LYZL4: variants seen among roughly 807,000 people sequenced by gnomAD.
LYZL4 encodes the protein lysozyme like 4, also known as lysozyme-like protein 4.
In LYZL4, 13 loss-of-function variants were observed where a neutral mutation model predicts 17.6. The ratio of observed to expected loss-of-function variants is 0.74; its 90% CI spans 0.48 to 1.18. The LOEUF (loss-of-function observed/expected upper bound fraction) is 1.18. Among genes scored for constraint, LYZL4 ranks in the 50% most tolerant of loss-of-function variants. LYZL4 has a pLI of 0.00. For synonymous variants in LYZL4, 64 were observed against 67.7 expected (o/e 0.95, Z 0.27); for missense variants, 174 against 188.2 (o/e 0.92, Z 0.44).
the LYZL4 span, among the ~76,000 whole-genome samples, chr3:42,391,679 A>G: frequency 1.3e-5 from 2 of 152,186 alleles, no homozygotes; most frequent in Non-Finnish European, 2.9e-5. Context: ...AGGAATTTTT[A>G]AAGAAATGGT....
At chr3:42,390,048 C>A in the LYZL4 span, among the ~76,000 whole-genome samples, 1 of 152,126 alleles carries the variant, frequency 6.6e-6, no homozygotes, top group African/African-American at 2.4e-5. Context: ...ACTGGTTGTT[C>A]ATTTTGCCTG....
intron 1 of LYZL4, among the ~76,000 whole-genome samples, chr3:42,409,460 T>C (rs1345720467): frequency 6.6e-6 from 1 of 152,172 alleles, no homozygotes; most frequent in African/African-American, 2.4e-5. Context: ...GCAAACAACA[T>C]TTTCTGGTAA....
the LYZL4 span, among the ~76,000 whole-genome samples, chr3:42,387,009 C>A: frequency 6.6e-6 from 1 of 152,000 alleles, no homozygotes; most frequent in Non-Finnish European, 1.5e-5. Flanking sequence ...TTTATATTTG[C>A]GTTTTATTTC....
chr3:42,401,385 A>C (rs1405803016), intron 4 of LYZL4, among the ~76,000 whole-genome samples: 1 of 147,730 alleles, frequency 6.8e-6, no homozygotes, highest in Admixed American at 6.8e-5. Context: ...TAATTTTTGC[A>C]TTTTTTTTTT....
chr3:42,400,796 G>A (rs1025097145), intron 4 of LYZL4, among the ~76,000 whole-genome samples: 1 of 152,142 alleles, frequency 6.6e-6, no homozygotes, highest in South Asian at 2.1e-4. Flanking sequence ...AGAAAAGGTA[G>A]GGGAAGAAGG....
At chr3:42,377,659 GTGTGTGTGTC>G in the LYZL4 span, among the ~76,000 whole-genome samples, 2 of 150,652 alleles carry the variant, frequency 1.3e-5, no homozygotes, top group African/African-American at 4.9e-5. Context: ...GTGTGTGTGT[GTGTGTGTGTC>G]ACTAATGCAG....
At chr3:42,366,064 G>T in the LYZL4 span, among the ~76,000 whole-genome samples, 2 of 151,930 alleles carry the variant, frequency 1.3e-5, no homozygotes, top group African/African-American at 4.8e-5. Context: ...GTTAGGGAGT[G>T]GGGGATTGTG....
At chr3:42,408,933 GA>G (rs1335881153) in intron 1 of LYZL4, among the ~76,000 whole-genome samples, 2 of 152,182 alleles carry the variant, frequency 1.3e-5, no homozygotes, top group African/African-American at 2.4e-5. Flanking sequence ...CCCCTGTTGA[GA>G]AATGTCTAAC....
chr3:42,397,027 T>G (rs576473731), downstream of LYZL4: 1 of 399,988 alleles, frequency 2.5e-6, no homozygotes, highest in African/African-American at 2.0e-5. Context: ...ACAATAATAG[T>G]AAATAATGGT....
Position 42,407,122 on chromosome 3 carries a change from G to C in LYZL4, c.130C>G (p.Leu44Val), listed in dbSNP as rs1355876215. The change falls in exon 2 of 5, where the codon CTT becomes GTT. Residue 44 changes from leucine (L) to valine (V), a missense_variant. Coordinates refer to ENST00000287748, the MANE Select transcript of LYZL4 (RefSeq NM_144634.4). ...GGLDYFEGYSLENWVCLAYFE... is the reference protein window; with the variant it reads ...GGLDYFEGYSVENWVCLAYFE... Reference sequence around the variant, plus strand: ...AGTGGGGCCTACTCACAGTTCTCAAGGCTATAGCCCTCAAAATAATCCAGG... The same window carrying C: ...AGTGGGGCCTACTCACAGTTCTCAACGCTATAGCCCTCAAAATAATCCAGG... 2 of 1,614,060 alleles carry C rather than the reference G, an allele frequency of 1.2e-6. No individual in the cohort carries two copies. Among genetic ancestry groups the C allele is most frequent in the African/African-American group, 2.7e-5 (2 of 74,932 alleles).
chr3:42,403,644 A>G (rs73071752), intron 4 of LYZL4, among the ~76,000 whole-genome samples: 1,524 of 152,244 alleles, frequency 0.01, 12 homozygotes, highest in Non-Finnish European at 0.015. Flanking sequence ...ATTTTACTAA[A>G]CCTTTTGTAG....
chr3:42,401,992 A>C (rs1171124878), intron 4 of LYZL4, among the ~76,000 whole-genome samples: 6 of 152,156 alleles, frequency 3.9e-5, no homozygotes, highest in Non-Finnish European at 1.5e-5. Context: ...TAAAACAATA[A>C]AGCTTTTAGG....
the LYZL4 span, among the ~76,000 whole-genome samples, chr3:42,369,824 C>T: frequency 3.9e-5 from 6 of 152,184 alleles, no homozygotes; most frequent in Non-Finnish European, 8.8e-5. Flanking sequence ...AGGCTTGAGG[C>T]TTCATGCAAG....
At chr3:42,408,302 C>G (rs533295015) in intron 1 of LYZL4, among the ~76,000 whole-genome samples, 2 of 152,178 alleles carry the variant, frequency 1.3e-5, no homozygotes, top group Non-Finnish European at 2.9e-5. Context: ...TTTATCAGGA[C>G]GAATCTATTA....
Position 42,406,970 on chromosome 3 carries a change from C to A in LYZL4, c.168G>T (p.Lys56Asn). 1 of 1,614,188 alleles carries A rather than the reference C, an allele frequency of 6.2e-7. No individual in the cohort carries two copies. Among genetic ancestry groups the A allele is most frequent in the Admixed American group, 1.7e-5 (1 of 60,026 alleles). ...NWVCLAYFES[K>N]FNPMAIYENT... ...TCTCGTAGATGGCCATGGGGTTGAACTTGCTCTCGAAGTAGGCCAGGCACA... is the reference window on the plus strand; with the variant it reads ...TCTCGTAGATGGCCATGGGGTTGAAATTGCTCTCGAAGTAGGCCAGGCACA... The change falls in exon 3 of 5, where the codon AAG (lysine) becomes AAT (asparagine). Residue 56 changes from lysine (K) to asparagine (N), a missense_variant. Transcript: ENST00000287748.
chr3:42,388,310 G>A, the LYZL4 span, among the ~76,000 whole-genome samples: 162 of 152,274 alleles, frequency 1.1e-3, 1 homozygote, highest in Middle Eastern at 0.01. Context: ...AATCAAGCAC[G>A]CCTGGATTTT....
At chr3:42,388,626 A>G in the LYZL4 span, among the ~76,000 whole-genome samples, 3 of 152,262 alleles carry the variant, frequency 2.0e-5, no homozygotes, top group Admixed American at 6.5e-5. Context: ...GAACCTGGAC[A>G]TAAACTGAAA....
the LYZL4 span, among the ~76,000 whole-genome samples, chr3:42,366,696 G>T: frequency 1.3e-5 from 2 of 152,176 alleles, no homozygotes; most frequent in African/African-American, 4.8e-5. Flanking sequence ...TTGGGCTGGG[G>T]CTCACAGCCC....
At chr3:42,392,277 T>C (rs1225625327), downstream of LYZL4, among the ~76,000 whole-genome samples, 1 of 151,682 alleles carries the variant, frequency 6.6e-6, no homozygotes, top group East Asian at 1.9e-4. Context: ...AATGGCAGAG[T>C]GTGGGGGTAG....
Sources: allele counts gnomAD v4.1 joint callset (sites outside exome capture counted in the v4.1 genomes callset), GRCh38; gene constraint gnomAD v4.1.1; transcripts MANE v1.5; gene names NCBI Gene and HGNC (gene_info 2026-07-23, HGNC 2026-07-21).